The following YAP1 variants were observed in gnomAD, a reference collection of about 807,000 sequenced individuals.
YAP1 encodes the protein transcriptional coactivator YAP1.
A neutral mutation model predicts 56.9 loss-of-function variants in YAP1; 5 were observed. The ratio of observed to expected loss-of-function variants is 0.09; its 90% CI spans 0.05 to 0.18. The LOEUF (loss-of-function observed/expected upper bound fraction) is 0.18. YAP1 is among the 10% of genes least tolerant of loss of function. The pLI, the probability that YAP1 is intolerant of heterozygous loss-of-function variation, is 1.00. For missense variants in YAP1, 539 were observed against 651.8 expected (o/e 0.83, Z 1.88); for synonymous variants, 265 against 248.1 (o/e 1.07, Z -0.64).
At chr11:102,162,423 T>G in intron 2 of YAP1, 33 bp from the exon 3 acceptor site, 1 of 1,587,334 alleles carries the variant, frequency 6.3e-7, no homozygotes, top group Non-Finnish European at 8.7e-7. Flanking sequence ...ACCTGGTATT[T>G]GTTTCCTAAT....
At chr11:102,173,844 T>C (rs907763096) in intron 3 of YAP1, among the ~76,000 whole-genome samples, 4 of 152,260 alleles carry the variant, frequency 2.6e-5, no homozygotes, top group Admixed American at 6.5e-5. Context: ...TTTAATCAAG[T>C]AAGCCACTGA....
chr11:102,130,239 G>A (rs908374238), intron 2 of YAP1, among the ~76,000 whole-genome samples: 27 of 152,038 alleles, frequency 1.8e-4, no homozygotes, highest in African/African-American at 6.3e-4. Context: ...AACAGAATTG[G>A]TACACCTTAG....
At chr11:102,191,337 C>A (rs887028416) in intron 4 of YAP1, among the ~76,000 whole-genome samples, 1 of 151,566 alleles carries the variant, frequency 6.6e-6, no homozygotes, top group African/African-American at 2.4e-5. Context: ...ACAGCCATTA[C>A]GATTCCTCGG....
chr11:102,202,439 C>G (rs1648383), intron 4 of YAP1, among the ~76,000 whole-genome samples: 2 of 149,876 alleles, frequency 1.3e-5, no homozygotes, highest in South Asian at 4.2e-4. Flanking sequence ...TCGGCCTCCC[C>G]AAGTGCTGGG....
At chr11:102,111,295 G>A (rs998946664) in intron 1 of YAP1, 126 bp downstream of exon 1, 2 of 1,145,312 alleles carry the variant, frequency 1.7e-6, no homozygotes, top group African/African-American at 2.0e-5. Context: ...CTGGGGTGGG[G>A]GTCCCGAGGC....
At chr11:102,176,741 G>T (rs12793501) in intron 3 of YAP1, among the ~76,000 whole-genome samples, 1 of 69,826 alleles carries the variant, frequency 1.4e-5, no homozygotes, top group Non-Finnish European at 2.5e-5. Context: ...GTAAGACTCC[G>T]TCTCAAAAAA....
chr11:102,133,469 G>C (rs1944493674), intron 2 of YAP1, among the ~76,000 whole-genome samples: 1 of 151,984 alleles, frequency 6.6e-6, no homozygotes, highest in Non-Finnish European at 1.5e-5. Context: ...GCTAATTTTT[G>C]TATTTTTTGT....
At chr11:102,170,736 A>T (rs1946853263) in intron 3 of YAP1, among the ~76,000 whole-genome samples, 1 of 152,166 alleles carries the variant, frequency 6.6e-6, no homozygotes, top group Non-Finnish European at 1.5e-5. Flanking sequence ...TGGAAGGCCG[A>T]GGTGGGCACA....
chr11:102,126,824 G>T (rs1005921610), intron 2 of YAP1, among the ~76,000 whole-genome samples: 2 of 152,214 alleles, frequency 1.3e-5, no homozygotes, highest in Non-Finnish European at 2.9e-5. Flanking sequence ...GAATGGCTTT[G>T]ACAAAAATGC....
In YAP1 at chr11:102,183,572, A is replaced by G. The variant is rs1947756878; in HGVS notation, c.689-2446A>G. Reference sequence around the variant, plus strand: ...AGTTCTCTGAGATGGACTGTGGCAGACCCATCGGAGAGAATATAAGTGGAA... The same window carrying G: ...AGTTCTCTGAGATGGACTGTGGCAGGCCCATCGGAGAGAATATAAGTGGAA... On this transcript the variant is annotated intron_variant, in intron 3 of 8. Transcript: ENST00000282441. Among the ~76,000 whole-genome samples the G allele has an allele frequency of 2.0e-5, 3 of 152,162 alleles. No homozygotes were observed. In the South Asian group the frequency reaches 6.2e-4, roughly 31 times the overall value.
chr11:102,165,823 G>C (rs970928309), intron 3 of YAP1, among the ~76,000 whole-genome samples: 5 of 152,162 alleles, frequency 3.3e-5, no homozygotes, highest in Non-Finnish European at 5.9e-5. Flanking sequence ...AAGCAGAAGC[G>C]ACAAGGAACC....
At chr11:102,137,248 A>G (rs1944725921) in intron 2 of YAP1, among the ~76,000 whole-genome samples, 1 of 152,166 alleles carries the variant, frequency 6.6e-6, no homozygotes. Context: ...TTTCTTATCT[A>G]TAAAATAAGT....
rs567240485 is a variant in YAP1, at chr11:102,137,355, T to TTAATATA, written c.572+22962_572+22968dup. 1.4e-4 allele frequency among the ~76,000 whole-genome samples: 22 copies of TTAATATA among 152,348 alleles called. No individual in the cohort carries two copies. In the East Asian group the frequency reaches 1.7e-3, roughly 12 times the overall value. ...GCATAATATCTCTTAGTGAATGGAATTAATATACTACATCTCTCTCTCCTT... is the reference window on the plus strand; with the variant it reads ...GCATAATATCTCTTAGTGAATGGAATTAATATATAATATACTACATCTCTCTCTCCTT... On this transcript the variant is annotated intron_variant, in intron 2 of 8. Coordinates refer to ENST00000282441, the MANE Select transcript of YAP1 (RefSeq NM_001130145.3).
At chr11:102,126,669 G>T (rs1449635074) in intron 2 of YAP1, among the ~76,000 whole-genome samples, 3 of 152,140 alleles carry the variant, frequency 2.0e-5, no homozygotes, top group African/African-American at 7.2e-5. Flanking sequence ...CAGTACATTG[G>T]TACCAGTAAA....
At chr11:102,172,694 T>A (rs916387837) in intron 3 of YAP1, among the ~76,000 whole-genome samples, 2 of 151,884 alleles carry the variant, frequency 1.3e-5, no homozygotes, top group African/African-American at 4.8e-5. Context: ...ATACAATGAG[T>A]CAGATATTAA....
intron 4 of YAP1, 137 bp from the exon 5 acceptor site, chr11:102,205,756 A>G: frequency 1.4e-6 from 1 of 727,906 alleles, no homozygotes. Context: ...ATATTGATGG[A>G]TTTTTAGGTT....
intron 2 of YAP1, among the ~76,000 whole-genome samples, chr11:102,114,974 A>C (rs1206011038): frequency 6.6e-6 from 1 of 152,230 alleles, no homozygotes; most frequent in Non-Finnish European, 1.5e-5. Context: ...TTTCATATGC[A>C]GTCGCTCAGT....
intron 4 of YAP1, among the ~76,000 whole-genome samples, chr11:102,194,377 C>T (rs2135545720): frequency 6.6e-6 from 1 of 152,292 alleles, no homozygotes; most frequent in African/African-American, 2.4e-5. Flanking sequence ...TTCTGCTACC[C>T]TAGTTGCTAA....
At chr11:102,151,935 C>A (rs1308247457) in intron 2 of YAP1, among the ~76,000 whole-genome samples, 12 of 152,136 alleles carry the variant, frequency 7.9e-5, no homozygotes, top group Non-Finnish European at 8.8e-5. Context: ...AGCACTCATC[C>A]CATAAGCTGT....
Sources: gnomAD v4.1 joint callset for allele counts (sites outside exome capture counted in the v4.1 genomes callset) on GRCh38, gnomAD v4.1.1 for gene constraint, MANE v1.5 for transcripts, NCBI Gene and HGNC (gene_info 2026-07-23, HGNC 2026-07-21) for gene names.